Variants in THSD4 observed in about 807,000 individuals in gnomAD.
THSD4 encodes the protein thrombospondin type 1 domain containing 4.
A neutral mutation model predicts 119.0 loss-of-function variants in THSD4; 69 were observed. That is an observed-to-expected ratio of 0.58 (90% confidence interval 0.48 to 0.71). The LOEUF is 0.71. Among genes scored for constraint, THSD4 ranks in the 30% least tolerant of loss-of-function variants. The pLI is 0.00. For synonymous variants in THSD4, 524 were observed against 540.4 expected (o/e 0.97, Z 0.42); for missense variants, 1,393 against 1,391.1 (o/e 1.00, Z -0.02).
chr15:71,584,979 TTC>T (rs149754459), intron 7 of THSD4, among the ~76,000 whole-genome samples: 13,475 of 152,188 alleles, frequency 0.089, 734 homozygotes, highest in South Asian at 0.17. Context: ...CATTTTTAAC[TTC>T]TGTTTTCCAT....
chr15:71,168,797 T>C (rs953746985), intron 3 of THSD4, among the ~76,000 whole-genome samples: 3 of 152,190 alleles, frequency 2.0e-5, no homozygotes, highest in African/African-American at 4.8e-5. Flanking sequence ...AAAAAAATTT[T>C]AGGCTACATA....
chr15:71,242,504 G>A lies in THSD4; in HGVS notation c.465-145G>A, dbSNP rs190163736. 102 of 827,092 alleles carry A rather than the reference G, an allele frequency of 1.2e-4. 1 individual carries two copies. The highest frequency in any genetic ancestry group is 1.7e-4 in the Non-Finnish European group (86 of 517,930). The allele number at this position is 827,092 out of a possible 1,614,324, so 51.2% of individuals were successfully genotyped here. ...TCCATGATGGTGCCTTCTAAAATGCGTTCCCCCTGCTTCCCAGTTCTACCA... is the reference window on the plus strand; with the variant it reads ...TCCATGATGGTGCCTTCTAAAATGCATTCCCCCTGCTTCCCAGTTCTACCA... On this transcript the variant is annotated intron_variant, in intron 4 of 17. Coordinates refer to ENST00000261862, the MANE Select transcript of THSD4 (RefSeq NM_024817.3).
At chr15:71,549,288 A>G (rs1283121885) in intron 7 of THSD4, among the ~76,000 whole-genome samples, 2 of 152,162 alleles carry the variant, frequency 1.3e-5, no homozygotes, top group South Asian at 2.1e-4. Flanking sequence ...TGCTTTGCTA[A>G]GTAAAGATCC....
At chr15:71,715,467 C>T (rs1227758670) in intron 8 of THSD4, among the ~76,000 whole-genome samples, 2 of 152,048 alleles carry the variant, frequency 1.3e-5, no homozygotes, top group Admixed American at 6.6e-5. Flanking sequence ...TTTAATTACC[C>T]GAATTCCCAG....
At chr15:71,736,715 C>T (rs2053119654) in intron 10 of THSD4, among the ~76,000 whole-genome samples, 2 of 152,164 alleles carry the variant, frequency 1.3e-5, no homozygotes, top group African/African-American at 4.8e-5. Flanking sequence ...TGCCCTCCTC[C>T]TCTCTCTGGG....
At chr15:71,398,823 G>T (rs906257583) in intron 6 of THSD4, among the ~76,000 whole-genome samples, 3 of 152,090 alleles carry the variant, frequency 2.0e-5, no homozygotes, top group Non-Finnish European at 4.4e-5. Flanking sequence ...ATGGGAGTAG[G>T]CCAGGGGATT....
At chr15:71,553,232 G>A (rs1415328937) in intron 7 of THSD4, among the ~76,000 whole-genome samples, 1 of 151,294 alleles carries the variant, frequency 6.6e-6, no homozygotes, top group Admixed American at 6.6e-5. Context: ...TGTGCTTCTT[G>A]TTTCTACCTC....
chr15:71,411,315 A>G (rs991291860), intron 6 of THSD4, among the ~76,000 whole-genome samples: 1 of 152,184 alleles, frequency 6.6e-6, no homozygotes, highest in Non-Finnish European at 1.5e-5. Context: ...GAGAGCTGAT[A>G]ACTTTAATGC....
In THSD4 at chr15:71,589,299, T is replaced by A. The variant is rs1308934997; in HGVS notation, c.1153-71231T>A. ...TAGTTCCAATTTGTGTGTGTTTGTG[T>A]GTGTGCATACATATTTTGTGTTTTG... On this transcript the variant is annotated intron_variant, in intron 7 of 17. Coordinates refer to ENST00000261862, the MANE Select transcript of THSD4 (RefSeq NM_024817.3). 6.6e-5 allele frequency among the ~76,000 whole-genome samples: 6 copies of A among 90,596 alleles called. 1 individual carries two copies. In the South Asian group the frequency reaches 2.0e-3, roughly 30 times the overall value. The allele number at this position is 90,596 out of a possible 152,430, so 59.4% of individuals were successfully genotyped here. A position where few individuals can be genotyped will look rare whatever the true frequency, so the allele number is the denominator to read the frequency against.
chr15:71,221,188 T>G (rs963003341), intron 4 of THSD4, among the ~76,000 whole-genome samples: 2 of 152,216 alleles, frequency 1.3e-5, no homozygotes, highest in Non-Finnish European at 2.9e-5. Context: ...AATGGGTACC[T>G]GTAGACTAGA....
intron 6 of THSD4, among the ~76,000 whole-genome samples, chr15:71,286,008 G>T (rs889230007): frequency 5.3e-5 from 8 of 151,498 alleles, no homozygotes; most frequent in Admixed American, 6.6e-5. Flanking sequence ...TGAGGTTTAG[G>T]CGCATTTATA....
At chr15:71,774,463 C>T (rs150140118) in intron 17 of THSD4, among the ~76,000 whole-genome samples, 56 of 152,134 alleles carry the variant, frequency 3.7e-4, no homozygotes, top group African/African-American at 1.3e-3. Flanking sequence ...TGTTGGCAAC[C>T]GCATGGGGGA....
chr15:71,633,269 C>CTTTTTTTTTTTTTTTTTTT (rs67682951), intron 7 of THSD4, among the ~76,000 whole-genome samples: 2 of 63,158 alleles, frequency 3.2e-5, no homozygotes, highest in African/African-American at 5.7e-5. Context: ...TTCTTTCTTT[C>CTTTTTTTTTTTTTTTTTTT]TTTTTTTTTT....
chr15:71,292,202 T>G (rs552512794), intron 6 of THSD4, among the ~76,000 whole-genome samples: 1 of 152,292 alleles, frequency 6.6e-6, no homozygotes, highest in Non-Finnish European at 1.5e-5. Flanking sequence ...GTTTTGTGTG[T>G]GATTGAATTT....
At position 71,596,643 on chromosome 15, in the gene THSD4, G is replaced by A. The variant is rs550725353; in HGVS notation, c.1153-63887G>A. Among the ~76,000 whole-genome samples the A allele has an allele frequency of 2.0e-5, 3 of 152,260 alleles. No homozygotes were observed. In the East Asian group the frequency reaches 5.8e-4, roughly 29 times the overall value. On this transcript the variant is annotated intron_variant, in intron 7 of 17. Coordinates refer to ENST00000261862, the MANE Select transcript of THSD4 (RefSeq NM_024817.3). ...TTCTAAAGTTTCCTGGTGTGGACAGGGTCTAGGTTGATCCTAAAGACAAAA... is the reference window on the plus strand; with the variant it reads ...TTCTAAAGTTTCCTGGTGTGGACAGAGTCTAGGTTGATCCTAAAGACAAAA...
At chr15:71,329,576 ATGT>A (rs1312404364) in intron 6 of THSD4, among the ~76,000 whole-genome samples, 1 of 152,194 alleles carries the variant, frequency 6.6e-6, no homozygotes, top group Non-Finnish European at 1.5e-5. Flanking sequence ...GACGGAGTCG[ATGT>A]TGTCCCCTGT....
rs1287640766 is a variant in THSD4 at position 71,738,103 on chromosome 15, A to G, written c.1906+96A>G. ...AGCGGTCCCCGGCTTTTTTGGCACC[A>G]GGGACTGGTTTCGTGGAAGACGATT... On this transcript the variant is annotated intron_variant, in intron 11 of 17. Coordinates refer to ENST00000261862, the MANE Select transcript of THSD4 (RefSeq NM_024817.3). 5 of 1,492,722 alleles carry G rather than the reference A, an allele frequency of 3.3e-6. No individual in the cohort carries two copies. The African/African-American group carries it at 4.2e-5, about 12-fold the overall frequency. The allele number at this position is 1,492,722 out of a possible 1,614,324, so 92.5% of individuals were successfully genotyped here. A position where few individuals can be genotyped will look rare whatever the true frequency, so the allele number is the denominator to read the frequency against.
chr15:71,356,460 C>G (rs1018207272), intron 6 of THSD4, among the ~76,000 whole-genome samples: 4 of 152,176 alleles, frequency 2.6e-5, no homozygotes, highest in African/African-American at 9.7e-5. Context: ...GGACTGGGAC[C>G]TACTGACTTC....
chr15:71,703,403 C>T (rs903058278), intron 8 of THSD4, among the ~76,000 whole-genome samples: 1 of 152,168 alleles, frequency 6.6e-6, no homozygotes, highest in African/African-American at 2.4e-5. Flanking sequence ...TGTTAGATTA[C>T]AAGGGAGATT....
Sources: allele counts gnomAD v4.1 joint callset (sites outside exome capture counted in the v4.1 genomes callset), GRCh38; gene constraint gnomAD v4.1.1; transcripts MANE v1.5; gene names NCBI Gene and HGNC (gene_info 2026-07-23, HGNC 2026-07-21).